Variants in ITGA8 observed in about 807,000 individuals in gnomAD.
ITGA8 encodes integrin alpha-8.
ITGA8 carries 91 observed loss-of-function variants against 142.3 expected under a neutral mutation model. The observed-to-expected ratio is 0.64, with a 90% CI of 0.54 to 0.76. The LOEUF is 0.76. Ranked by LOEUF, ITGA8 falls within the 30% of genes least tolerant of loss-of-function variation. The pLI is 0.00. For synonymous variants in ITGA8, 505 were observed against 485.2 expected, an observed-to-expected ratio of 1.04 and a Z score of -0.54; for missense variants, 1,406 against 1,327.7, an observed-to-expected ratio of 1.06 and a Z score of -0.92.
chr10:15,672,343 G>C (rs1355235417), intron 7 of ITGA8, among the ~76,000 whole-genome samples: 1 of 152,170 alleles, frequency 6.6e-6, no homozygotes, highest in East Asian at 1.9e-4. Flanking sequence ...TGTCACACTG[G>C]TAGCAGCCCT....
chr10:15,666,462 A>C (rs1473429556), intron 8 of ITGA8, among the ~76,000 whole-genome samples: 2 of 152,172 alleles, frequency 1.3e-5, no homozygotes, highest in Non-Finnish European at 2.9e-5. Flanking sequence ...TGTCATCTGC[A>C]AACAGGGACA....
At position 15,719,696 on chromosome 10, in the gene ITGA8, C is replaced by T. The variant is rs1010582317; in HGVS notation, c.76G>A (p.Ala26Thr). 10 of 1,458,686 alleles carry T rather than the reference C, an allele frequency of 6.9e-6. No individual in the cohort carries two copies. The highest frequency in any genetic ancestry group is 9.0e-6 in the Non-Finnish European group (10 of 1,115,174). The allele number at this position is 1,458,686 out of a possible 1,614,324, so 90.4% of individuals were successfully genotyped here. A position where few individuals can be genotyped will look rare whatever the true frequency, so the allele number is the denominator to read the frequency against. The stretch of plus-strand genomic sequence containing the variant: ...GGGGACCACAGCAACATCCCCAGCG[C>T]GGCCGCGGCGCAGCAGAGGGGCGCG... The part of the protein sequence containing the change: ...LIAPLCCAAA[A>T]LGMLLWSPAC... Residue 26 changes from alanine to threonine, a missense_variant, in exon 1 of 30, where the codon GCG (alanine) becomes ACG (threonine). Coordinates refer to ENST00000378076, the MANE Select transcript of ITGA8 (RefSeq NM_003638.3).
intron 29 of ITGA8, 116 bp from the exon 30 acceptor site, chr10:15,517,360 T>C: frequency 1.7e-6 from 1 of 590,448 alleles, no homozygotes; most frequent in Non-Finnish European, 2.9e-6. Context: ...TCTCGCTCTC[T>C]ATTCCCCAGG....
intron 6 of ITGA8, among the ~76,000 whole-genome samples, chr10:15,673,095 G>GT (rs1457579941): frequency 2.0e-5 from 3 of 151,994 alleles, no homozygotes; most frequent in African/African-American, 4.8e-5. Flanking sequence ...GTTTGTTTTT[G>GT]TTTTTTGGGA....
At chr10:15,561,772 A>C (rs543362153) in intron 25 of ITGA8, among the ~76,000 whole-genome samples, 6 of 152,264 alleles carry the variant, frequency 3.9e-5, no homozygotes, top group Middle Eastern at 3.4e-3. Flanking sequence ...GGCATGTGGA[A>C]GGGTGGGGTG....
At chr10:15,593,383 A>C (rs919522751) in intron 21 of ITGA8, among the ~76,000 whole-genome samples, 1 of 152,194 alleles carries the variant, frequency 6.6e-6, no homozygotes, top group Non-Finnish European at 1.5e-5. Flanking sequence ...ATGTAATCCC[A>C]AAAAGCACTC....
chr10:15,654,892 G>A (rs1454777117), intron 11 of ITGA8, among the ~76,000 whole-genome samples: 1 of 152,148 alleles, frequency 6.6e-6, no homozygotes, highest in Non-Finnish European at 1.5e-5. Flanking sequence ...GTGCTGTTTG[G>A]TCCATGTTCA....
intron 13 of ITGA8, among the ~76,000 whole-genome samples, chr10:15,635,307 C>CAGA (rs368430040): frequency 1.2e-4 from 19 of 152,212 alleles, no homozygotes; most frequent in African/African-American, 4.6e-4. Context: ...GCCCGGCCTT[C>CAGA]ACTAAATCTT....
chr10:15,660,082 T>C (rs1379377821), intron 9 of ITGA8, among the ~76,000 whole-genome samples: 1 of 152,230 alleles, frequency 6.6e-6, no homozygotes, highest in Admixed American at 6.5e-5. Flanking sequence ...TTCATTAAAA[T>C]AACTGAAATA....
chr10:15,608,393 A>G, intron 15 of ITGA8, 103 bp from the exon 16 acceptor site: 2 of 651,340 alleles, frequency 3.1e-6, no homozygotes, highest in East Asian at 2.7e-5. Context: ...TTCTCTATAT[A>G]TTTCTAATTA....
At chr10:15,536,838 C>T (rs1259701790) in intron 27 of ITGA8, among the ~76,000 whole-genome samples, 2 of 152,170 alleles carry the variant, frequency 1.3e-5, no homozygotes, top group African/African-American at 2.4e-5. Flanking sequence ...TGGTAACAAA[C>T]GGAGGAGTTA....
chr10:15,574,510 C>A (rs1361219254), intron 24 of ITGA8, among the ~76,000 whole-genome samples: 1 of 152,070 alleles, frequency 6.6e-6, no homozygotes, highest in Non-Finnish European at 1.5e-5. Flanking sequence ...CCTCCCTCAG[C>A]CTTTCGAGTA....
rs575616225 is a variant in ITGA8 at position 15,605,279 on chromosome 10, T to G, written c.1970+445A>C. ...TTCTGCTTTACTCCATAGAGTGCTA[T>G]TTAGGTTTATTTATTCAATAAGTTA... On this transcript the variant is annotated intron_variant, in intron 19 of 29. Coordinates refer to ENST00000378076, the MANE Select transcript of ITGA8 (RefSeq NM_003638.3). 5.7e-4 allele frequency among the ~76,000 whole-genome samples: 87 copies of G among 152,288 alleles called. 2 individuals are homozygous for G. In the South Asian group the frequency reaches 0.014, roughly 25 times the overall value.
intron 15 of ITGA8, 73 bp downstream of exon 15, chr10:15,613,587 A>C (rs533680015): frequency 5.5e-6 from 6 of 1,086,938 alleles, no homozygotes; most frequent in African/African-American, 1.5e-5. Flanking sequence ...CTGAATCCAA[A>C]TCTGTATTTT....
intron 23 of ITGA8, 104 bp from the exon 24 acceptor site, chr10:15,575,698 T>G: frequency 2.4e-6 from 2 of 844,518 alleles, no homozygotes; most frequent in South Asian, 1.4e-5. Flanking sequence ...GGTTTTCAAT[T>G]TATTTGAGTA....
At position 15,719,824 on chromosome 10, in the gene ITGA8, C is replaced by A. The variant is rs1835530190; in HGVS notation, c.-53G>T. Reference sequence around the variant, plus strand: ...ACCCAGGAGCGCGAGCCGAGGACCCCTGCGGGGCAAGGGGGGCTGGTGGAA... The same window carrying A: ...ACCCAGGAGCGCGAGCCGAGGACCCATGCGGGGCAAGGGGGGCTGGTGGAA... On this transcript the variant is annotated 5_prime_UTR_variant, in exon 1 of 30. It adds an upstream start codon to the 5' untranslated region. Transcript: ENST00000378076. The A allele has an allele frequency of 7.9e-7, 1 of 1,267,202 alleles. No homozygotes were observed. Among genetic ancestry groups the A allele is most frequent in the South Asian group, 2.4e-5 (1 of 41,662 alleles). 78.5% of individuals were successfully genotyped at this position (1,267,202 alleles called of 1,614,324 possible).
Position 15,705,829 on chromosome 10 carries a change from T to G in ITGA8, c.343+12937A>C, listed in dbSNP as rs193138369. ...ACTTTCTTTATTGGCTTCATGGCTT[T>G]CTTTTACCTAACTGGTGGCTCCTTC... On this transcript the variant is annotated intron_variant, in intron 2 of 29. Transcript: ENST00000378076. Among the ~76,000 whole-genome samples, 3 of 152,320 alleles carry G rather than the reference T, an allele frequency of 2.0e-5. No homozygotes were observed. The East Asian group carries it at 5.8e-4, about 29-fold the overall frequency.
intron 2 of ITGA8, among the ~76,000 whole-genome samples, chr10:15,699,932 T>C (rs1273028389): frequency 2.0e-5 from 3 of 152,218 alleles, no homozygotes; most frequent in African/African-American, 7.2e-5. Context: ...TCCTTTCCTG[T>C]TTGTGGACCA....
At chr10:15,641,158 G>A (rs1267302756) in intron 13 of ITGA8, among the ~76,000 whole-genome samples, 3 of 152,114 alleles carry the variant, frequency 2.0e-5, no homozygotes, top group Admixed American at 1.3e-4. Flanking sequence ...GGTTCAAGCA[G>A]TTCTCCTGCC....
Sources: gnomAD v4.1 joint callset for allele counts (sites outside exome capture counted in the v4.1 genomes callset) on GRCh38, gnomAD v4.1.1 for gene constraint, MANE v1.5 for transcripts, NCBI Gene and HGNC (gene_info 2026-07-23, HGNC 2026-07-21) for gene names.